MYO5B: variants seen among roughly 807,000 people sequenced by gnomAD.
MYO5B encodes unconventional myosin-Vb.
Under a neutral mutation model 229.3 loss-of-function variants are expected in MYO5B, and 143 were observed. The observed-to-expected ratio is 0.62, with a 90% CI of 0.54 to 0.72. The LOEUF is 0.72. Ranked by LOEUF, MYO5B falls within the 30% of genes least tolerant of loss-of-function variation. The probability of loss-of-function intolerance (pLI) is 0.00; values close to 1 mark genes in which losing one functional copy is unlikely to be tolerated. For synonymous variants in MYO5B, 918 were observed against 885.2 expected, an observed-to-expected ratio of 1.04 and a Z score of -0.66; for missense variants, 2,321 against 2,331.0, an observed-to-expected ratio of 1.00 and a Z score of 0.09.
chr18:49,998,571 T>C (rs556505199), intron 5 of MYO5B, among the ~76,000 whole-genome samples: 1 of 152,312 alleles, frequency 6.6e-6, no homozygotes, highest in African/African-American at 2.4e-5. Context: ...AAAGCAAGAA[T>C]TCAAACAGAT....
intron 2 of MYO5B, among the ~76,000 whole-genome samples, chr18:50,044,669 T>C (rs1245534179): frequency 6.6e-6 from 1 of 152,168 alleles, no homozygotes; most frequent in Non-Finnish European, 1.5e-5. Context: ...ATGTGGCTAT[T>C]TCAGTGAAAT....
At chr18:49,860,230 C>T (rs2024312520) in intron 29 of MYO5B, among the ~76,000 whole-genome samples, 1 of 152,174 alleles carries the variant, frequency 6.6e-6, no homozygotes, top group Admixed American at 6.5e-5. Context: ...GGCCACACTC[C>T]TGCCCCTACC....
At chr18:50,052,994 G>A (rs1332045579) in intron 2 of MYO5B, among the ~76,000 whole-genome samples, 1 of 152,174 alleles carries the variant, frequency 6.6e-6, no homozygotes, top group African/African-American at 2.4e-5. Context: ...GATGCACGAG[G>A]TTGGTTGGAA....
At chr18:50,024,285 T>TA (rs2026308135) in intron 4 of MYO5B, among the ~76,000 whole-genome samples, 1 of 152,166 alleles carries the variant, frequency 6.6e-6, no homozygotes. Flanking sequence ...TTCAAACACT[T>TA]ATATTAACAT....
chr18:49,995,537 C>T (rs182881622), intron 5 of MYO5B, among the ~76,000 whole-genome samples: 136 of 152,034 alleles, frequency 8.9e-4, no homozygotes, highest in Non-Finnish European at 1.5e-3. Context: ...GGGATTACAT[C>T]CTCACTTATA....
rs1174698173 is a variant in MYO5B, at chr18:50,043,590, TTA to T, written c.139-3278_139-3277del. ...TATATATTTTTATATAAAAATATAT[TTA>T]TAAGTATATAAATATATAAATATAT... On this transcript the variant is annotated intron_variant, in intron 2 of 39. Transcript: ENST00000285039. 4.6e-5 allele frequency among the ~76,000 whole-genome samples: 6 copies of T among 129,610 alleles called. No homozygotes were observed. The East Asian group carries it at 8.3e-4, about 18-fold the overall frequency. The allele number at this position is 129,610 out of a possible 152,430, so 85.0% of individuals were successfully genotyped here. A position where few individuals can be genotyped will look rare whatever the true frequency, so the allele number is the denominator to read the frequency against.
intron 1 of MYO5B, among the ~76,000 whole-genome samples, chr18:50,189,752 G>C (rs1025583593): frequency 1.3e-5 from 2 of 152,154 alleles, no homozygotes. Context: ...CTCCAGCAGG[G>C]GTGACTGGGT....
At chr18:49,989,154 T>C (rs2144307559) in intron 7 of MYO5B, among the ~76,000 whole-genome samples, 1 of 152,184 alleles carries the variant, frequency 6.6e-6, no homozygotes, top group East Asian at 1.9e-4. Context: ...ATGGCCTGAA[T>C]AGAGTTTGAT....
At chr18:50,038,092 G>T (rs1598970976) in intron 3 of MYO5B, among the ~76,000 whole-genome samples, 1 of 152,320 alleles carries the variant, frequency 6.6e-6, no homozygotes, top group South Asian at 2.1e-4. Context: ...TTTTATGGAT[G>T]ATGTGAGGCA....
intron 22 of MYO5B, among the ~76,000 whole-genome samples, chr18:49,883,117 C>T (rs2024606187): frequency 1.3e-5 from 2 of 152,236 alleles, no homozygotes; most frequent in Admixed American, 6.5e-5. Context: ...CCCCTAAGAT[C>T]AGGAAGACAA....
intron 1 of MYO5B, among the ~76,000 whole-genome samples, chr18:50,154,953 A>G (rs1246622637): frequency 3.3e-5 from 5 of 152,172 alleles, no homozygotes; most frequent in Non-Finnish European, 7.3e-5. Flanking sequence ...CCTTCAAGGT[A>G]TTTTTCATGT....
intron 1 of MYO5B, among the ~76,000 whole-genome samples, chr18:50,173,273 A>G (rs1221009775): frequency 2.0e-5 from 3 of 151,204 alleles, no homozygotes; most frequent in African/African-American, 4.9e-5. Flanking sequence ...AACAAAAAAC[A>G]GAAGAAAAAA....
chr18:49,918,068 G>A (rs1039796363), intron 17 of MYO5B, among the ~76,000 whole-genome samples: 5 of 152,222 alleles, frequency 3.3e-5, no homozygotes, highest in African/African-American at 1.2e-4. Context: ...TCAAGGCAGG[G>A]AGTGGTAACA....
intron 29 of MYO5B, among the ~76,000 whole-genome samples, chr18:49,857,720 T>C (rs2024279368): frequency 6.6e-6 from 1 of 152,176 alleles, no homozygotes; most frequent in African/African-American, 2.4e-5. Context: ...AGTCACCCAG[T>C]GTCTGCCCCA....
chr18:50,028,976 CCTATT>C (rs2026360850), intron 4 of MYO5B, among the ~76,000 whole-genome samples: 2 of 152,184 alleles, frequency 1.3e-5, no homozygotes, highest in African/African-American at 2.4e-5. Context: ...AACTGCCTCT[CCTATT>C]CTTTCCTAAA....
At chr18:49,936,706 G>C (rs1344575168) in intron 15 of MYO5B, among the ~76,000 whole-genome samples, 1 of 152,150 alleles carries the variant, frequency 6.6e-6, no homozygotes, top group Non-Finnish European at 1.5e-5. Flanking sequence ...CTGAGGGCCT[G>C]GGACCCTGAC....
At chr18:50,058,678 G>A (rs1383353601) in intron 1 of MYO5B, among the ~76,000 whole-genome samples, 2 of 152,118 alleles carry the variant, frequency 1.3e-5, no homozygotes, top group Non-Finnish European at 2.9e-5. Context: ...GGGCGTGGTG[G>A]CGGGTGCCTG....
intron 1 of MYO5B, among the ~76,000 whole-genome samples, chr18:50,185,941 A>G (rs1455039333): frequency 6.6e-6 from 1 of 152,238 alleles, no homozygotes; most frequent in Non-Finnish European, 1.5e-5. Flanking sequence ...CATATTGTGC[A>G]TAAGTCTAAA....
At chr18:49,942,380 C>CA (rs753691754) in intron 14 of MYO5B, among the ~76,000 whole-genome samples, 2,318 of 32,480 alleles carry the variant, frequency 0.071, 100 homozygotes, top group South Asian at 0.094. Context: ...TTCTGCACAG[C>CA]AAAAAAAAAA....
Sources: gnomAD v4.1 joint callset for allele counts (sites outside exome capture counted in the v4.1 genomes callset) on GRCh38, gnomAD v4.1.1 for gene constraint, MANE v1.5 for transcripts, NCBI Gene and HGNC (gene_info 2026-07-23, HGNC 2026-07-21) for gene names.